Variants in ATP9B observed in about 807,000 individuals in gnomAD.
ATP9B encodes the protein probable phospholipid-transporting ATPase IIB.
ATP9B carries 110 observed loss-of-function variants against 146.1 expected under a neutral mutation model. That is an observed-to-expected ratio of 0.75 (90% CI 0.65 to 0.88). The LOEUF is 0.88. ATP9B is among the 40% of genes least tolerant of loss of function. The pLI is 0.00. For synonymous variants in ATP9B, 604 were observed against 569.7 expected (o/e 1.06, Z -0.86); for missense variants, 1,499 against 1,496.4 (o/e 1.00, Z -0.03).
At chr18:79,079,208 C>T (rs2072977251) in intron 1 of ATP9B, among the ~76,000 whole-genome samples, 1 of 152,160 alleles carries the variant, frequency 6.6e-6, no homozygotes, top group Admixed American at 6.5e-5. Flanking sequence ...GAGGGTATTT[C>T]TGGTTCTAGA....
At chr18:79,146,555 A>T in intron 6 of ATP9B, 1 of 191,376 alleles carries the variant, frequency 5.2e-6, no homozygotes, top group South Asian at 6.6e-5. Context: ...TGCAAGCTGC[A>T]TGTCGGGGGA....
At chr18:79,344,396 C>T in intron 21 of ATP9B, 42 bp downstream of exon 21, 6 of 1,584,128 alleles carry the variant, frequency 3.8e-6, no homozygotes, top group Non-Finnish European at 5.2e-6. Flanking sequence ...GTCTGTGTCT[C>T]TGAGGCAAGG....
chr18:79,157,410 A>AAAAAACAAAAC (rs1319806832), intron 7 of ATP9B, among the ~76,000 whole-genome samples: 112 of 146,010 alleles, frequency 7.7e-4, no homozygotes, highest in East Asian at 4.7e-3. Flanking sequence ...AAAAAAAAAA[A>AAAAAACAAAAC]AAAAAAAAAA....
chr18:79,126,421 TATC>T (rs772966394), intron 5 of ATP9B, 46 bp downstream of exon 5: 3 of 1,323,620 alleles, frequency 2.3e-6, no homozygotes, highest in Non-Finnish European at 3.2e-6. Context: ...TTACTGTAAT[TATC>T]ATTTTAGAGT....
intron 1 of ATP9B, among the ~76,000 whole-genome samples, chr18:79,088,884 G>T (rs563394812): frequency 1.7e-4 from 26 of 152,206 alleles, no homozygotes; most frequent in African/African-American, 5.1e-4. Flanking sequence ...GTTTATTTAC[G>T]TTACAGAAAT....
rs530620989 is a variant in ATP9B, at chr18:79,345,951, C to A, written c.2682+112C>A. 619 of 1,212,974 alleles carry A rather than the reference C, an allele frequency of 5.1e-4. 1 individual carries two copies. The African/African-American group carries it at 7.7e-3, about 15-fold the overall frequency. The allele number at this position is 1,212,974 out of a possible 1,614,324, so 75.1% of individuals were successfully genotyped here. On this transcript the variant is annotated intron_variant, in intron 23 of 29. Transcript: ENST00000426216. The stretch of plus-strand genomic sequence containing the variant: ...CACCTACTTGGTCAGTGCACGTCAG[C>A]ATGTGCTTAGCGTACGCTCGGTCAG...
chr18:79,125,393 G>A (rs2094266543), intron 4 of ATP9B, among the ~76,000 whole-genome samples: 1 of 152,128 alleles, frequency 6.6e-6, no homozygotes, highest in African/African-American at 2.4e-5. Context: ...TAGGACACTT[G>A]AGAAAAATAC....
intron 11 of ATP9B, among the ~76,000 whole-genome samples, chr18:79,226,435 G>A (rs2095735008): frequency 6.6e-6 from 1 of 152,224 alleles, no homozygotes; most frequent in Admixed American, 6.5e-5. Flanking sequence ...AACAAAATGT[G>A]CAGGTAGATG....
In ATP9B at chr18:79,216,633, C is replaced by G. The variant is rs78469694; in HGVS notation, c.1107+2595C>G. Among the ~76,000 whole-genome samples the G allele has an allele frequency of 4.3e-4, 65 of 152,344 alleles. No homozygotes were observed. In the East Asian group the frequency reaches 0.013, roughly 29 times the overall value. The stretch of plus-strand genomic sequence containing the variant: ...AAGGCAGGAGGTTCTGTACTGTCAG[C>G]TACCACGTGGCCTAGAAATTCTTCC... On this transcript the variant is annotated intron_variant, in intron 11 of 29. Transcript: ENST00000426216.
Position 79,345,822 on chromosome 18 carries a change from AT to A in ATP9B, c.2667del (p.Ile889MetfsTer25). The A allele has an allele frequency of 6.2e-7, 1 of 1,614,236 alleles. No homozygotes were observed. The highest frequency in any genetic ancestry group is 8.5e-7 in the Non-Finnish European group (1 of 1,180,046). ...VSMIQAADCGIGIEGKEGKQA... is the reference protein window; with the variant it reads ...VSMIQAADCGXGIEGKEGKQA... ...CATGATTCAGGCAGCAGACTGTGGGATTGGGATTGAGGGAAAGGTAGGTTCG... is the reference window on the plus strand; with the variant it reads ...CATGATTCAGGCAGCAGACTGTGGGATGGGATTGAGGGAAAGGTAGGTTCG... On this transcript the variant is annotated frameshift_variant, in exon 23 of 30. Coordinates refer to ENST00000426216, the MANE Select transcript of ATP9B (RefSeq NM_198531.5). LOFTEE classifies it high-confidence loss of function.
chr18:79,209,304 T>G (rs770680105), intron 10 of ATP9B, among the ~76,000 whole-genome samples: 2 of 152,264 alleles, frequency 1.3e-5, no homozygotes, highest in Non-Finnish European at 2.9e-5. Context: ...GCAGCCTGTT[T>G]CTTCCATCTC....
intron 26 of ATP9B, chr18:79,362,651 G>A (rs956652314): frequency 2.0e-5 from 3 of 152,318 alleles, no homozygotes; most frequent in East Asian, 1.9e-4. Context: ...ACCGCTTAGG[G>A]AAGCTAGTTA....
At chr18:79,377,136 T>G in intron 29 of ATP9B, 111 bp from the exon 30 acceptor site, 1 of 1,307,102 alleles carries the variant, frequency 7.7e-7, no homozygotes, top group Non-Finnish European at 1.1e-6. Context: ...CAGTGATGTT[T>G]CCGTGGCAAG....
intron 12 of ATP9B, among the ~76,000 whole-genome samples, chr18:79,263,016 T>C (rs2096160560): frequency 6.6e-6 from 1 of 152,258 alleles, no homozygotes; most frequent in Non-Finnish European, 1.5e-5. Flanking sequence ...TTACTTCTTG[T>C]TGCACAAGCT....
chr18:79,305,227 T>C (rs1339252095), intron 14 of ATP9B, among the ~76,000 whole-genome samples: 1 of 152,252 alleles, frequency 6.6e-6, no homozygotes, highest in East Asian at 1.9e-4. Flanking sequence ...TTCCCATTGC[T>C]GCGTTTCTAC....
chr18:79,372,034 CAG>C (rs2097074269), intron 26 of ATP9B, among the ~76,000 whole-genome samples: 1 of 152,256 alleles, frequency 6.6e-6, no homozygotes, highest in Non-Finnish European at 1.5e-5. Flanking sequence ...CACATAAAGA[CAG>C]GGCCTCTCAA....
chr18:79,315,980 G>A (rs1252468621), intron 15 of ATP9B, among the ~76,000 whole-genome samples: 1 of 152,188 alleles, frequency 6.6e-6, no homozygotes, highest in Non-Finnish European at 1.5e-5. Context: ...GTCATTTGAA[G>A]TGTACTAAGC....
intron 9 of ATP9B, among the ~76,000 whole-genome samples, chr18:79,206,225 C>T (rs2095532340): frequency 6.6e-6 from 1 of 152,180 alleles, no homozygotes; most frequent in Non-Finnish European, 1.5e-5. Flanking sequence ...CAGGCGTGAG[C>T]CACCGCGCCC....
At chr18:79,242,583 TG>T (rs2095900070) in intron 11 of ATP9B, among the ~76,000 whole-genome samples, 1 of 152,256 alleles carries the variant, frequency 6.6e-6, no homozygotes, top group Admixed American at 6.5e-5. Flanking sequence ...TTTGCTTTAT[TG>T]TAGAGTGTCA....
Sources: allele counts gnomAD v4.1 joint callset (sites outside exome capture counted in the v4.1 genomes callset), GRCh38; gene constraint gnomAD v4.1.1; transcripts MANE v1.5; gene names NCBI Gene and HGNC (gene_info 2026-07-23, HGNC 2026-07-21).